Variants in SPARC observed in about 807,000 individuals in gnomAD.
SPARC encodes secreted protein acidic and cysteine rich.
A neutral mutation model predicts 37.7 loss-of-function variants in SPARC; 23 were observed. The observed-to-expected ratio is 0.61, with a 90% CI of 0.44 to 0.87. The LOEUF (loss-of-function observed/expected upper bound fraction) is 0.87, where lower values mean the gene tolerates loss of function less well. Ranked by LOEUF, SPARC falls within the 40% of genes least tolerant of loss-of-function variation. SPARC has a pLI of 0.00. For synonymous variants in SPARC, 155 were observed against 150.8 expected (o/e 1.03, Z -0.20); for missense variants, 312 against 389.0 (o/e 0.80, Z 1.66).
chr5:151,682,434 G>A (rs1396487154), intron 1 of SPARC, among the ~76,000 whole-genome samples: 3 of 152,152 alleles, frequency 2.0e-5, no homozygotes, highest in East Asian at 3.8e-4. Context: ...TATTGCATCT[G>A]GAAAAGCCTC....
intron 1 of SPARC, chr5:151,677,197 C>G (rs1411761704): frequency 6.6e-6 from 1 of 152,188 alleles, no homozygotes; most frequent in South Asian, 2.1e-4. Flanking sequence ...CATTTCATTT[C>G]TTGCACTAAC....
At chr5:151,669,630 A>G (rs753828703) in intron 6 of SPARC, 34 bp downstream of exon 6, 2 of 1,611,150 alleles carry the variant, frequency 1.2e-6, no homozygotes, top group African/African-American at 2.7e-5. Flanking sequence ...TCTCTCCCCA[A>G]GACAGGAGTC....
chr5:151,673,013 T>G, intron 4 of SPARC, 116 bp downstream of exon 4: 1 of 772,016 alleles, frequency 1.3e-6, no homozygotes, highest in Non-Finnish European at 2.4e-6. Flanking sequence ...CATAGCCCAC[T>G]GAGGACCCCA....
Position 151,673,142 on chromosome 5 carries a change from C to T in SPARC, c.195G>A (p.Glu65=), listed in dbSNP as rs1255077033. The T allele has an allele frequency of 6.2e-7, 1 of 1,613,640 alleles. No individual in the cohort carries two copies. Among genetic ancestry groups the T allele is most frequent in the Non-Finnish European group, 8.5e-7 (1 of 1,179,500 alleles). ...GAAGGGACATACTTTCCGCCACCAC[C>T]TCCTCTTCGGTTTCCTCTGCACCAT... ...FDDGAEETEE[E]VVAENPCQNH... is the part of the protein sequence containing the mutation. The change falls in exon 4 of 10, where the codon GAG becomes GAA. Residue 65 remains glutamate (E), a synonymous_variant. Coordinates refer to ENST00000231061, the MANE Select transcript of SPARC (RefSeq NM_003118.4).
intron 2 of SPARC, among the ~76,000 whole-genome samples, 171 bp downstream of exon 2, chr5:151,675,961 G>T (rs1475419388): frequency 6.6e-6 from 1 of 151,776 alleles, no homozygotes; most frequent in African/African-American, 2.4e-5. Context: ...CCACCCAATG[G>T]TCCTCATCCC....
intron 6 of SPARC, among the ~76,000 whole-genome samples, chr5:151,668,299 C>T (rs1489428144): frequency 6.6e-6 from 1 of 152,010 alleles, no homozygotes; most frequent in East Asian, 1.9e-4. Flanking sequence ...ACTACAGGCA[C>T]ATGCCACCAT....
At chr5:151,682,564 AG>A (rs1269663953) in intron 1 of SPARC, among the ~76,000 whole-genome samples, 5 of 152,226 alleles carry the variant, frequency 3.3e-5, no homozygotes, top group African/African-American at 1.2e-4. Flanking sequence ...CCTAAAGCTT[AG>A]AGAGTCATCA....
chr5:151,680,395 T>TTTTTCTTTTC (rs71274344), intron 1 of SPARC, among the ~76,000 whole-genome samples: 85 of 149,334 alleles, frequency 5.7e-4, no homozygotes, highest in African/African-American at 1.9e-3. Flanking sequence ...ACCCAGCGAA[T>TTTTTCTTTTC]TTTTCTTTTC....
At chr5:151,668,432 C>T (rs765812376) in intron 6 of SPARC, among the ~76,000 whole-genome samples, 6 of 152,156 alleles carry the variant, frequency 3.9e-5, no homozygotes, top group Non-Finnish European at 8.8e-5. Flanking sequence ...GGATTACAGG[C>T]GTGAGCCACC....
At chr5:151,669,909 C>A in intron 5 of SPARC, 125 bp from the exon 6 acceptor site, 1 of 1,337,872 alleles carries the variant, frequency 7.5e-7, no homozygotes, top group Non-Finnish European at 1.0e-6. Flanking sequence ...AGCCTGAGGT[C>A]ATATAGTGAG....
intron 1 of SPARC, among the ~76,000 whole-genome samples, chr5:151,680,844 G>T (rs892375540): frequency 2.0e-5 from 3 of 152,218 alleles, no homozygotes; most frequent in African/African-American, 7.2e-5. Context: ...TTGTCGTTGG[G>T]AAGAGCATCT....
In SPARC at chr5:151,663,523, C is replaced by G. The variant is rs572801238; in HGVS notation, c.*48G>C. The G allele has an allele frequency of 5.1e-6, 8 of 1,575,288 alleles. No homozygotes were observed. The East Asian group carries it at 1.8e-4, about 35-fold the overall frequency. ...AACATTTTAAACATTGGGGGAAACA[C>G]GAAGGGGAGGGTTAAAGAGAGAATC... On this transcript the variant is annotated 3_prime_UTR_variant, in exon 10 of 10. Coordinates refer to ENST00000231061, the MANE Select transcript of SPARC (RefSeq NM_003118.4).
chr5:151,677,010 G>C (rs1760872567), intron 1 of SPARC: 1 of 152,198 alleles, frequency 6.6e-6, no homozygotes, highest in Non-Finnish European at 1.5e-5. Flanking sequence ...TGTTGCAGAG[G>C]GGATGTTAGC....
At chr5:151,677,103 T>A (rs374417294) in intron 1 of SPARC, 6 of 152,354 alleles carry the variant, frequency 3.9e-5, no homozygotes, top group African/African-American at 1.4e-4. Flanking sequence ...AATACTCTCA[T>A]GACTATAAGG....
At chr5:151,666,571 C>A in intron 7 of SPARC, 62 bp from the exon 8 acceptor site, 1 of 1,488,916 alleles carries the variant, frequency 6.7e-7, no homozygotes, top group South Asian at 1.3e-5. Context: ...CCAGTCGGGC[C>A]CTCCCACCCC....
Position 151,676,205 on chromosome 5 carries a change from T to C in SPARC, c.-13-4A>G, listed in dbSNP as rs1760854652. 1.2e-6 allele frequency: 2 copies of C among 1,606,746 alleles called. No individual in the cohort carries two copies. Among genetic ancestry groups the C allele is most frequent in the Non-Finnish European group, 1.7e-6 (2 of 1,176,436 alleles). ...GGCCCTCATGGTGCTGGGAACCCTA[T>C]GGGGAGGAGAGATTGAGAGTTCAGT... On this transcript the variant is annotated splice_polypyrimidine_tract_variant and splice_region_variant and intron_variant, in intron 1 of 9. Transcript: ENST00000231061.
At chr5:151,684,810 C>T (rs1761090848) in intron 1 of SPARC, among the ~76,000 whole-genome samples, 1 of 152,068 alleles carries the variant, frequency 6.6e-6, no homozygotes, top group Non-Finnish European at 1.5e-5. Context: ...GAATGGGGCC[C>T]AGAAAGAAGT....
At position 151,674,608 on chromosome 5, in the gene SPARC, A is replaced by AT; in HGVS notation, c.120+3dup. 6.2e-7 allele frequency: 1 copy of AT among 1,613,928 alleles called. No homozygotes were observed. The highest frequency in any genetic ancestry group is 8.5e-7 in the Non-Finnish European group (1 of 1,179,834). On this transcript the variant is annotated splice_donor_region_variant and intron_variant, in intron 3 of 9. Coordinates refer to ENST00000231061, the MANE Select transcript of SPARC (RefSeq NM_003118.4). ...CTAAGGGGCTGCGGTCACTGCCCAC[A>AT]TACCTCAGTCACCTCTGCCACAGTT...
In SPARC at chr5:151,673,189, C is replaced by T; in HGVS notation, c.148G>A (p.Val50Met). The T allele has an allele frequency of 1.2e-6, 2 of 1,613,858 alleles. No homozygotes were observed. Among genetic ancestry groups the T allele is most frequent in the Non-Finnish European group, 1.7e-6 (2 of 1,179,728 alleles). ...EVSVGANPVQ[V>M]EVGEFDDGAE... is the part of the protein sequence containing the mutation. ...CCATCATCAAATTCTCCTACTTCCA[C>T]CTGGACAGGATTAGCTCCCACAGAT... Residue 50 changes from valine (V) to methionine (M), a missense_variant, in exon 4 of 10, where the codon GTG (valine) becomes ATG (methionine). Transcript: ENST00000231061.
Sources: allele counts gnomAD v4.1 joint callset (sites outside exome capture counted in the v4.1 genomes callset), GRCh38; gene constraint gnomAD v4.1.1; transcripts MANE v1.5; gene names NCBI Gene and HGNC (gene_info 2026-07-23, HGNC 2026-07-21).